KPNB1: variants seen among roughly 807,000 people sequenced by gnomAD.
KPNB1 encodes importin subunit beta-1.
In KPNB1, 7 loss-of-function variants were observed where a neutral mutation model predicts 113.0. That is an observed-to-expected ratio of 0.06 (90% CI 0.04 to 0.12). KPNB1 has a LOEUF of 0.12. KPNB1 is among the 10% of genes least tolerant of loss of function. The pLI, the probability that KPNB1 is intolerant of heterozygous loss-of-function variation, is 1.00. For missense variants in KPNB1, 400 were observed against 1,054.8 expected (o/e 0.38, Z 8.60); for synonymous variants, 363 against 378.6 (o/e 0.96, Z 0.48).
intron 3 of KPNB1, among the ~76,000 whole-genome samples, chr17:47,655,855 G>T (rs1915702436): frequency 6.6e-6 from 1 of 152,200 alleles, no homozygotes; most frequent in African/African-American, 2.4e-5. Flanking sequence ...AGTGAGGTGG[G>T]ATGACTGGTT....
chr17:47,675,080 G>T, intron 15 of KPNB1, among the ~76,000 whole-genome samples: 1 of 151,646 alleles, frequency 6.6e-6, no homozygotes, highest in East Asian at 2.0e-4. Context: ...CAGCCTCCCA[G>T]AGTGCTAGGA....
intron 11 of KPNB1, 81 bp downstream of exon 11, chr17:47,669,950 A>G (rs181737162): frequency 3.0e-5 from 31 of 1,024,882 alleles, no homozygotes; most frequent in African/African-American, 1.9e-4. Flanking sequence ...AGAGAAATCA[A>G]TCTGCCTCAC....
At chr17:47,674,487 G>C in intron 14 of KPNB1, 151 bp from the exon 15 acceptor site, 1 of 686,822 alleles carries the variant, frequency 1.5e-6, no homozygotes, top group Non-Finnish European at 2.5e-6. Context: ...CTGATGATTG[G>C]TACTGTCAAT....
chr17:47,681,299 C>T (rs1298332869), intron 21 of KPNB1, among the ~76,000 whole-genome samples: 3 of 143,296 alleles, frequency 2.1e-5, no homozygotes, highest in South Asian at 2.2e-4. Context: ...GAGACAGTCT[C>T]GCTCTGTCGC....
At chr17:47,680,965 A>G (rs963902932) in intron 21 of KPNB1, among the ~76,000 whole-genome samples, 2 of 151,910 alleles carry the variant, frequency 1.3e-5, no homozygotes, top group African/African-American at 4.8e-5. Flanking sequence ...TCTGTTTTCT[A>G]TTCCTTTCCT....
intron 3 of KPNB1, among the ~76,000 whole-genome samples, chr17:47,653,182 A>G (rs1915626294): frequency 6.6e-6 from 1 of 151,882 alleles, no homozygotes; most frequent in African/African-American, 2.4e-5. Context: ...TTGGTGCTAC[A>G]TTTGTATAAA....
At chr17:47,663,253 A>G (rs552371692) in intron 7 of KPNB1, 75 bp downstream of exon 7, 9 of 806,932 alleles carry the variant, frequency 1.1e-5, no homozygotes, top group Admixed American at 7.2e-5. Context: ...CTATTTTGCC[A>G]ATTCTGTAAT....
intron 17 of KPNB1, among the ~76,000 whole-genome samples, chr17:47,677,821 T>A (rs1335573030): frequency 6.6e-6 from 1 of 152,222 alleles, no homozygotes; most frequent in Non-Finnish European, 1.5e-5. Flanking sequence ...CTCAGACAAG[T>A]CACTTGATTC....
In KPNB1 at chr17:47,657,026, C is replaced by T. The variant is rs1394902158; in HGVS notation, c.449C>T (p.Thr150Ile). Residue 150 changes from threonine (T) to isoleucine (I), a missense_variant, in exon 4 of 22, where the codon ACA becomes ATA. Physicochemically the swap from Thr to Ile is moderately conservative, Grantham distance 89. Around this residue, in one of 2 missense-constraint regions of KPNB1, gnomAD observed 285 missense variants for 627.0 expected, o/e 0.45. Coordinates refer to ENST00000290158, the MANE Select transcript of KPNB1 (RefSeq NM_002265.6). ...PNSTEHMKES[T>I]LEAIGYICQD... The stretch of plus-strand genomic sequence containing the variant: ...AGCACAGAGCACATGAAGGAGTCGA[C>T]ATTGGAAGCCATCGGTTATATTTGC... The T allele has an allele frequency of 6.2e-7, 1 of 1,614,164 alleles. No homozygotes were observed. The highest frequency in any genetic ancestry group is 1.3e-5 in the African/African-American group (1 of 75,042).
intron 12 of KPNB1, among the ~76,000 whole-genome samples, chr17:47,672,100 G>A (rs896684925): frequency 6.6e-6 from 1 of 151,534 alleles, no homozygotes; most frequent in South Asian, 2.1e-4. Context: ...CAACCTCCTG[G>A]GTTCAAGTGA....
intron 21 of KPNB1, among the ~76,000 whole-genome samples, chr17:47,681,524 G>A (rs1021271956): frequency 2.7e-5 from 4 of 149,692 alleles, no homozygotes; most frequent in East Asian, 2.0e-4. Flanking sequence ...CACCCACCTC[G>A]GCCTCCCAAA....
chr17:47,662,981 A>G (rs2030153541), intron 6 of KPNB1, 108 bp from the exon 7 acceptor site: 2 of 749,466 alleles, frequency 2.7e-6, no homozygotes, highest in African/African-American at 3.5e-5. Context: ...AACGTATCCC[A>G]TATTTACCTC....
rs184570805 is a variant in KPNB1 at position 47,662,578 on chromosome 17, A to C, written c.697-511A>C. Among the ~76,000 whole-genome samples, 5 of 147,150 alleles carry C rather than the reference A, an allele frequency of 3.4e-5. No individual in the cohort carries two copies. The East Asian group carries it at 7.9e-4, about 23-fold the overall frequency. ...GCGACAGAGCAAGAAGACTGTCTCAAAAAAAAAAAAAAGAGAAAAATGGCC... is the reference window on the plus strand; with the variant it reads ...GCGACAGAGCAAGAAGACTGTCTCACAAAAAAAAAAAAGAGAAAAATGGCC... On this transcript the variant is annotated intron_variant, in intron 6 of 21. Transcript: ENST00000290158.
At chr17:47,679,947 T>C in intron 19 of KPNB1, 73 bp from the exon 20 acceptor site, 1 of 879,360 alleles carries the variant, frequency 1.1e-6, no homozygotes, top group Non-Finnish European at 1.9e-6. Context: ...TCCACCCGCC[T>C]GGGCCTCCTA....
chr17:47,664,352 T>C, intron 8 of KPNB1, 83 bp downstream of exon 8: 1 of 936,598 alleles, frequency 1.1e-6, no homozygotes, highest in Admixed American at 1.8e-5. Context: ...AGGAGAACTT[T>C]ATTCTGTCTG....
chr17:47,673,746 C>G, intron 14 of KPNB1, 185 bp downstream of exon 14: 1 of 595,954 alleles, frequency 1.7e-6, no homozygotes, highest in Non-Finnish European at 3.0e-6. Flanking sequence ...CCTTACCTGT[C>G]TGTCTAGAAA....
chr17:47,675,386 T>TTTTTTTC (rs2030584518), intron 15 of KPNB1, among the ~76,000 whole-genome samples: 1 of 96,590 alleles, frequency 1.0e-5, no homozygotes. Flanking sequence ...TTTTTTTTTG[T>TTTTTTTC]TTGTTTTTTT....
At chr17:47,661,986 T>G (rs866618993) in intron 6 of KPNB1, among the ~76,000 whole-genome samples, 1 of 152,180 alleles carries the variant, frequency 6.6e-6, no homozygotes. Context: ...CTGTAGCCAT[T>G]AAAGCAGCTT....
intron 9 of KPNB1, 149 bp downstream of exon 9, chr17:47,665,307 A>G (rs778931055): frequency 1.2e-5 from 8 of 649,820 alleles, no homozygotes; most frequent in Non-Finnish European, 2.2e-5. Context: ...TGCATCTATA[A>G]GATCCCCTAG....
Sources: gnomAD v4.1 joint callset for allele counts (sites outside exome capture counted in the v4.1 genomes callset) on GRCh38, gnomAD v4.1.1 for gene constraint, gnomAD v4.1.1 regional missense constraint, MANE v1.5 for transcripts, NCBI Gene and HGNC (gene_info 2026-07-23, HGNC 2026-07-21) for gene names.